Variants in TMEM116 observed in about 807,000 individuals in gnomAD.
The protein encoded by TMEM116 is transmembrane protein 116.
TMEM116 carries 38 observed loss-of-function variants against 44.3 expected under a neutral mutation model. The observed-to-expected ratio is 0.86, with a 90% CI of 0.66 to 1.12. The LOEUF is 1.12. TMEM116 is among the 50% of genes most tolerant of loss of function. The pLI is 0.00. For synonymous variants in TMEM116, 132 were observed against 144.8 expected, an observed-to-expected ratio of 0.91 and a Z score of 0.64; for missense variants, 354 against 401.7, an observed-to-expected ratio of 0.88 and a Z score of 1.01.
chr12:111,999,847 C>T (rs2077154725), intron 3 of TMEM116, among the ~76,000 whole-genome samples: 1 of 152,108 alleles, frequency 6.6e-6, no homozygotes, highest in South Asian at 2.1e-4. Flanking sequence ...TGCCACTTCA[C>T]CAAGAAATGG....
intron 2 of TMEM116, among the ~76,000 whole-genome samples, chr12:112,004,557 G>A (rs1276329714): frequency 1.3e-5 from 2 of 152,148 alleles, no homozygotes; most frequent in East Asian, 1.9e-4. Flanking sequence ...AAAATGCTGG[G>A]ATTACAGGCA....
chr12:111,996,874 C>T (rs1001019957), intron 3 of TMEM116, among the ~76,000 whole-genome samples: 2 of 152,164 alleles, frequency 1.3e-5, no homozygotes, highest in East Asian at 3.8e-4. Context: ...CTCTATACAA[C>T]GTGGATACAT....
intron 4 of TMEM116, among the ~76,000 whole-genome samples, chr12:111,981,756 T>C (rs1282322134): frequency 6.6e-6 from 1 of 152,176 alleles, no homozygotes; most frequent in Non-Finnish European, 1.5e-5. Context: ...TCAGTATTCA[T>C]AATAGCCAAG....
At chr12:111,935,269 T>G (rs1258989817) in intron 8 of TMEM116, 1 of 152,124 alleles carries the variant, frequency 6.6e-6, no homozygotes, top group Admixed American at 6.6e-5. Context: ...TAATTTTTTT[T>G]GTATTTTAGT....
At chr12:111,964,186 A>G (rs1242160975) in intron 4 of TMEM116, among the ~76,000 whole-genome samples, 1 of 151,752 alleles carries the variant, frequency 6.6e-6, no homozygotes, top group African/African-American at 2.4e-5. Flanking sequence ...CATGCCTGTA[A>G]TCCCAGCACT....
intron 4 of TMEM116, among the ~76,000 whole-genome samples, chr12:111,966,976 A>G (rs1022844180): frequency 9.2e-5 from 14 of 152,176 alleles, no homozygotes; most frequent in Non-Finnish European, 1.8e-4. Context: ...TTTCCAAACT[A>G]TGCAATAAAC....
At chr12:111,987,922 A>G (rs1314365523) in intron 4 of TMEM116, among the ~76,000 whole-genome samples, 1 of 152,240 alleles carries the variant, frequency 6.6e-6, no homozygotes, top group Non-Finnish European at 1.5e-5. Context: ...AAGCAACCCA[A>G]GTGGCCATTG....
intron 1 of TMEM116, chr12:112,005,951 A>C: frequency 1.0e-6 from 1 of 985,894 alleles, no homozygotes; most frequent in Non-Finnish European, 1.2e-6. Flanking sequence ...GACCTTACCA[A>C]GTCCCAACTG....
chr12:111,941,418 A>G (rs571099510), intron 5 of TMEM116, among the ~76,000 whole-genome samples: 1 of 152,104 alleles, frequency 6.6e-6, no homozygotes, highest in African/African-American at 2.4e-5. Flanking sequence ...GAATACCCAG[A>G]GGTAAACTAA....
At chr12:111,950,092 G>T (rs2073601144) in intron 4 of TMEM116, among the ~76,000 whole-genome samples, 1 of 151,934 alleles carries the variant, frequency 6.6e-6, no homozygotes, top group Non-Finnish European at 1.5e-5. Flanking sequence ...TCCAGCCTGG[G>T]TGACAACAGT....
chr12:111,968,602 A>T (rs77717606), intron 4 of TMEM116, among the ~76,000 whole-genome samples: 2,612 of 152,358 alleles, frequency 0.017, 83 homozygotes, highest in African/African-American at 0.058. Context: ...CAGGACTGAA[A>T]CAGATATTAG....
chr12:112,005,726 A>T (rs2077543285), intron 1 of TMEM116: 2 of 983,530 alleles, frequency 2.0e-6, no homozygotes, highest in Admixed American at 1.2e-4. Context: ...GGGTAGAAAA[A>T]GTTAAATGTT....
chr12:111,946,545 GT>G (rs1325556702), intron 4 of TMEM116, among the ~76,000 whole-genome samples: 1 of 152,184 alleles, frequency 6.6e-6, no homozygotes. Flanking sequence ...CCTTTAAGTG[GT>G]TTTCCACCCT....
At chr12:111,933,786 G>A (rs2071870466) in intron 9 of TMEM116, 100 bp downstream of exon 9, 2 of 1,474,780 alleles carry the variant, frequency 1.4e-6, no homozygotes, top group Non-Finnish European at 1.8e-6. Flanking sequence ...GTGAGCCACT[G>A]TGCCCGACCT....
At chr12:111,966,762 G>A (rs2075011512) in intron 4 of TMEM116, among the ~76,000 whole-genome samples, 1 of 152,120 alleles carries the variant, frequency 6.6e-6, no homozygotes, top group South Asian at 2.1e-4. Context: ...CAAACTAAGA[G>A]TGCTCCAGCT....
At chr12:112,002,393 C>CAAAAA (rs1160168400) in intron 3 of TMEM116, among the ~76,000 whole-genome samples, 2 of 66,926 alleles carry the variant, frequency 3.0e-5, no homozygotes, top group South Asian at 4.6e-4. Context: ...AACTCTGTCT[C>CAAAAA]AAAAAAAAAA....
At chr12:112,005,202 G>A (rs2077513365) in intron 2 of TMEM116, 55 bp downstream of exon 2, 2 of 1,246,734 alleles carry the variant, frequency 1.6e-6, no homozygotes, top group East Asian at 6.2e-5. Context: ...GAAAACTACA[G>A]AATTGACGAA....
intron 3 of TMEM116, among the ~76,000 whole-genome samples, chr12:111,996,962 T>C (rs1330956528): frequency 6.6e-6 from 1 of 152,214 alleles, no homozygotes. Context: ...ATTCCAATTA[T>C]ATCAAGTTCA....
chr12:111,943,173 C>A, intron 5 of TMEM116, 92 bp downstream of exon 5: 4 of 1,018,196 alleles, frequency 3.9e-6, no homozygotes, highest in South Asian at 2.7e-5. Flanking sequence ...ATCTGCCCCC[C>A]TCAGCCTCCC....
Sources: gnomAD v4.1 joint callset for allele counts (sites outside exome capture counted in the v4.1 genomes callset) on GRCh38, gnomAD v4.1.1 for gene constraint, MANE v1.5 for transcripts, NCBI Gene and HGNC (gene_info 2026-07-23, HGNC 2026-07-21) for gene names.